Variants in CABYR observed in about 807,000 individuals in gnomAD.
CABYR encodes the protein calcium-binding tyrosine phosphorylation-regulated protein.
Under a neutral mutation model 36.1 loss-of-function variants are expected in CABYR, and 31 were observed. The ratio of observed to expected loss-of-function variants is 0.86; its 90% confidence interval spans 0.64 to 1.16. The LOEUF is 1.16. Ranked by LOEUF, CABYR falls within the 50% of genes most tolerant of loss-of-function variation. The pLI, the probability that CABYR is intolerant of heterozygous loss-of-function variation, is 0.00. For missense variants in CABYR, 429 were observed against 455.8 expected, an observed-to-expected ratio of 0.94 and a Z score of 0.53; for synonymous variants, 146 against 160.7, an observed-to-expected ratio of 0.91 and a Z score of 0.69.
rs2085896564 is a variant in CABYR at position 24,159,716 on chromosome 18, A to AG, written c.787dup (p.Val263GlyfsTer41). On this transcript the variant is annotated frameshift_variant, in exon 5 of 6. Coordinates refer to ENST00000399496, the MANE Select transcript of CABYR (RefSeq NM_153769.3). LOFTEE classifies it high-confidence loss of function. ...AGACCAGTGCCCCACCTTTTATCTTAGTAGGCTCAAATGTTCAGGAAGCAC... is the reference window on the plus strand; with the variant it reads ...AGACCAGTGCCCCACCTTTTATCTTAGGTAGGCTCAAATGTTCAGGAAGCAC... 6.2e-6 allele frequency: 10 copies of AG among 1,613,778 alleles called. No homozygotes were observed. The highest frequency in any genetic ancestry group is 8.5e-6 in the Non-Finnish European group (10 of 1,179,994).
intron 3 of CABYR, among the ~76,000 whole-genome samples, chr18:24,151,979 C>T (rs1046702568): frequency 1.3e-5 from 2 of 152,112 alleles, no homozygotes; most frequent in African/African-American, 2.4e-5. Flanking sequence ...CATGAGCCAT[C>T]GTGCCTGACC....
chr18:24,149,282 A>T (rs1240874508), intron 3 of CABYR, among the ~76,000 whole-genome samples: 2 of 152,134 alleles, frequency 1.3e-5, no homozygotes, highest in African/African-American at 4.8e-5. Context: ...TGAGCTAGAC[A>T]TAAAGGTTCT....
At chr18:24,146,883 A>G (rs1462332005) in intron 3 of CABYR, among the ~76,000 whole-genome samples, 1 of 152,234 alleles carries the variant, frequency 6.6e-6, no homozygotes, top group Non-Finnish European at 1.5e-5. Context: ...CCAGCCTAGA[A>G]TTAATATATA....
At chr18:24,158,660 C>T (rs746292850) in intron 4 of CABYR, among the ~76,000 whole-genome samples, 3 of 152,060 alleles carry the variant, frequency 2.0e-5, no homozygotes, top group Admixed American at 6.5e-5. Context: ...AAGGCTGCAC[C>T]GGGGATAGAT....
chr18:24,150,467 A>G (rs1298073604), intron 3 of CABYR: 5 of 365,804 alleles, frequency 1.4e-5, no homozygotes, highest in Non-Finnish European at 1.9e-5. Context: ...CTACATTGTC[A>G]TATAATCAAT....
intron 3 of CABYR, among the ~76,000 whole-genome samples, chr18:24,151,370 A>C (rs562975243): frequency 5.9e-5 from 9 of 152,186 alleles, no homozygotes; most frequent in Non-Finnish European, 8.8e-5. Flanking sequence ...CTTAAGTAGA[A>C]CCAGATCACC....
rs2085910249 is a variant in CABYR, at chr18:24,160,063, A to G, written c.1133A>G (p.Glu378Gly). The G allele has an allele frequency of 1.2e-6, 2 of 1,608,818 alleles. No individual in the cohort carries two copies. The highest frequency in any genetic ancestry group is 2.2e-5 in the South Asian group (2 of 90,520). Residue 378 changes from glutamate (E) to glycine (G), a missense_variant, in exon 5 of 6, where the codon GAA becomes GGA. Glu to Gly is a moderately conservative substitution (Grantham distance 98). Coordinates refer to ENST00000399496, the MANE Select transcript of CABYR (RefSeq NM_153769.3). ...CACAAACGTCGCAAAGCAGAAACTG[A>G]AAACTGGTAGGTACACTTTCCTACC... is the stretch of plus-strand genomic sequence containing the variant. ...TAHKRRKAET[E>G]N
At chr18:24,156,992 G>T in intron 4 of CABYR, 1 of 1,596,796 alleles carries the variant, frequency 6.3e-7, no homozygotes, top group Non-Finnish European at 8.6e-7. Context: ...AAGGTTTGAT[G>T]AAGCCAGGTA....
chr18:24,143,910 TC>T (rs1450791039), intron 3 of CABYR, among the ~76,000 whole-genome samples: 2 of 151,554 alleles, frequency 1.3e-5, no homozygotes, highest in Non-Finnish European at 2.9e-5. Context: ...TTTTTTTTTT[TC>T]CTTTGCAATG....
At chr18:24,145,286 G>GT (rs1210186530) in intron 3 of CABYR, among the ~76,000 whole-genome samples, 1 of 152,174 alleles carries the variant, frequency 6.6e-6, no homozygotes, top group African/African-American at 2.4e-5. Context: ...AGAGAAGCCA[G>GT]TATTGGACTT....
intron 3 of CABYR, among the ~76,000 whole-genome samples, chr18:24,154,700 C>T (rs2085728303): frequency 6.6e-6 from 1 of 152,216 alleles, no homozygotes; most frequent in African/African-American, 2.4e-5. Context: ...GGAAAATTCT[C>T]AGCAAACAGA....
chr18:24,160,141 C>A, intron 5 of CABYR, 72 bp downstream of exon 5: 3 of 1,055,298 alleles, frequency 2.8e-6, no homozygotes, highest in South Asian at 1.5e-5. Flanking sequence ...ATTTCTTGAC[C>A]TGGAGATTTA....
At chr18:24,151,156 C>CAA (rs2085621220) in intron 3 of CABYR, among the ~76,000 whole-genome samples, 2 of 720 alleles carry the variant, frequency 2.8e-3, no homozygotes, top group African/African-American at 4.2e-3. Context: ...CCCTGAATCT[C>CAA]CATGAGTTGT....
chr18:24,153,659 CT>C (rs983831623), intron 3 of CABYR, among the ~76,000 whole-genome samples: 1 of 152,096 alleles, frequency 6.6e-6, no homozygotes, highest in Admixed American at 6.5e-5. Flanking sequence ...ACTTGGTTAC[CT>C]TTTGACTTCA....
chr18:24,156,734 A>C (rs1483850621), intron 4 of CABYR: 1 of 1,614,222 alleles, frequency 6.2e-7, no homozygotes. Context: ...CTATCAAAAT[A>C]GGCTCTGAAA....
At chr18:24,158,399 A>G (rs1017259827) in intron 4 of CABYR, among the ~76,000 whole-genome samples, 1 of 144,560 alleles carries the variant, frequency 6.9e-6, no homozygotes, top group Admixed American at 6.8e-5. Flanking sequence ...GCTCACCACA[A>G]CCTCCGCCTC....
intron 1 of CABYR, among the ~76,000 whole-genome samples, chr18:24,142,877 C>A (rs1195233496): frequency 6.6e-6 from 1 of 151,690 alleles, no homozygotes; most frequent in African/African-American, 2.4e-5. Flanking sequence ...CTAAAAAATA[C>A]AAAAAATTAG....
intron 4 of CABYR, chr18:24,156,798 C>A (rs1353697220): frequency 6.2e-7 from 1 of 1,614,092 alleles, no homozygotes. Flanking sequence ...CAATACTGGG[C>A]AGGAGGAGTC....
At chr18:24,159,353 T>C in intron 4 of CABYR, 119 bp from the exon 5 acceptor site, 1 of 709,770 alleles carries the variant, frequency 1.4e-6, no homozygotes, top group Non-Finnish European at 2.5e-6. Flanking sequence ...TATAGCATGC[T>C]CTACGGTACA....
Sources: allele counts gnomAD v4.1 joint callset (sites outside exome capture counted in the v4.1 genomes callset), GRCh38; gene constraint gnomAD v4.1.1; transcripts MANE v1.5; gene names NCBI Gene and HGNC (gene_info 2026-07-23, HGNC 2026-07-21).